Variants in CADM2 observed in about 807,000 individuals in gnomAD.
CADM2 encodes the protein cell adhesion molecule 2, also known as immunoglobulin superfamily member 4D.
In CADM2, 12 loss-of-function variants were observed where a neutral mutation model predicts 49.8. The observed-to-expected ratio is 0.24, with a 90% CI of 0.15 to 0.39. The LOEUF (loss-of-function observed/expected upper bound fraction) is 0.39, where lower values mean the gene tolerates loss of function less well. CADM2 is among the 10% of genes least tolerant of loss of function. The pLI, the probability that CADM2 is intolerant of heterozygous loss-of-function variation, is 1.00. For missense variants in CADM2, 378 were observed against 492.3 expected, an observed-to-expected ratio of 0.77 and a Z score of 2.20; for synonymous variants, 214 against 175.4, an observed-to-expected ratio of 1.22 and a Z score of -1.74.
intron 6 of CADM2, among the ~76,000 whole-genome samples, chr3:85,915,753 T>G (rs1042372763): frequency 3.9e-5 from 6 of 152,158 alleles, no homozygotes; most frequent in African/African-American, 1.2e-4. Flanking sequence ...TATTTCTCCA[T>G]TGTTTGACAA....
At chr3:85,743,404 T>C (rs1454908969) in intron 2 of CADM2, among the ~76,000 whole-genome samples, 1 of 152,190 alleles carries the variant, frequency 6.6e-6, no homozygotes, top group East Asian at 1.9e-4. Flanking sequence ...ATCTATACCA[T>C]CTCTGAAAAG....
At chr3:85,062,226 G>T (rs1282821205) in intron 1 of CADM2, among the ~76,000 whole-genome samples, 3 of 151,992 alleles carry the variant, frequency 2.0e-5, no homozygotes, top group Admixed American at 1.3e-4. Context: ...TAAATCTTGG[G>T]CAATCAACAC....
At chr3:85,680,117 A>G (rs980074422) in intron 1 of CADM2, among the ~76,000 whole-genome samples, 1 of 152,154 alleles carries the variant, frequency 6.6e-6, no homozygotes, top group African/African-American at 2.4e-5. Context: ...AGGCCATTTT[A>G]AAAGTATTCC....
At chr3:85,352,657 G>T (rs977917538) in intron 1 of CADM2, among the ~76,000 whole-genome samples, 1 of 152,028 alleles carries the variant, frequency 6.6e-6, no homozygotes, top group African/African-American at 2.4e-5. Flanking sequence ...TGGTATAAGG[G>T]TGAAATATCA....
chr3:85,496,296 T>C (rs139251516), intron 1 of CADM2, among the ~76,000 whole-genome samples: 292 of 152,306 alleles, frequency 1.9e-3, no homozygotes, highest in South Asian at 5.4e-3. Flanking sequence ...AGAACATGTG[T>C]TGATTTTCTG....
intron 1 of CADM2, among the ~76,000 whole-genome samples, chr3:84,997,315 A>T (rs1028554913): frequency 6.6e-6 from 1 of 152,124 alleles, no homozygotes; most frequent in Non-Finnish European, 1.5e-5. Flanking sequence ...TTTAGATGAC[A>T]GAGAACATAA....
At chr3:85,813,302 G>C (rs968172322) in intron 3 of CADM2, among the ~76,000 whole-genome samples, 5 of 152,196 alleles carry the variant, frequency 3.3e-5, no homozygotes, top group African/African-American at 1.2e-4. Flanking sequence ...AATGACCAGT[G>C]ATGATAAGCT....
chr3:85,530,619 G>T (rs961298566), intron 1 of CADM2, among the ~76,000 whole-genome samples: 1 of 151,930 alleles, frequency 6.6e-6, no homozygotes, highest in Non-Finnish European at 1.5e-5. Flanking sequence ...GTGAGCCACT[G>T]CGCCCGGCCC....
rs116387442 is a variant in CADM2, at chr3:85,766,653, C to T, written c.89-35394C>T. 2.6e-3 allele frequency among the ~76,000 whole-genome samples: 396 copies of T among 152,238 alleles called. 1 individual carries two copies. The highest frequency in any genetic ancestry group is 8.8e-3 in the African/African-American group (365 of 41,550). ...GGAAGGGAAAATAAATAATTCTTTACGTCAGTTTAGTTATGTTGGTCTTGT... is the reference window on the plus strand; with the variant it reads ...GGAAGGGAAAATAAATAATTCTTTATGTCAGTTTAGTTATGTTGGTCTTGT... On this transcript the variant is annotated intron_variant, in intron 2 of 9. Transcript: ENST00000383699.
At position 85,337,385 on chromosome 3, in the gene CADM2, G is replaced by A. The variant is rs1412918541; in HGVS notation, c.61+377717G>A. The stretch of plus-strand genomic sequence containing the variant: ...ATTAACTGTCTCAAGGAACAGCTTT[G>A]TGAGCCAAGTCATATGTATCATTGT... On this transcript the variant is annotated intron_variant, in intron 1 of 9. Coordinates refer to ENST00000383699, the MANE Select transcript of CADM2 (RefSeq NM_001167675.2). Among the ~76,000 whole-genome samples, 6 of 151,296 alleles carry A rather than the reference G, an allele frequency of 4.0e-5. No individual in the cohort carries two copies. The East Asian group carries it at 1.2e-3, about 29-fold the overall frequency.
At chr3:85,475,649 CTAAAT>C (rs1362070978) in intron 1 of CADM2, among the ~76,000 whole-genome samples, 2 of 151,772 alleles carry the variant, frequency 1.3e-5, no homozygotes, top group African/African-American at 4.8e-5. Context: ...TGATTAAAGA[CTAAAT>C]TAATCTATAA....
At chr3:85,903,770 C>G (rs1383688243) in intron 5 of CADM2, among the ~76,000 whole-genome samples, 1 of 152,132 alleles carries the variant, frequency 6.6e-6, no homozygotes, top group Non-Finnish European at 1.5e-5. Context: ...TCTCTGCTTA[C>G]GTTAGTATCA....
chr3:85,583,161 T>C (rs2062844386), intron 1 of CADM2, among the ~76,000 whole-genome samples: 1 of 152,130 alleles, frequency 6.6e-6, no homozygotes, highest in Admixed American at 6.6e-5. Flanking sequence ...TACATGTCTT[T>C]AGTACCACAG....
chr3:85,646,399 G>A (rs1246067290), intron 1 of CADM2, among the ~76,000 whole-genome samples: 1 of 151,840 alleles, frequency 6.6e-6, no homozygotes, highest in East Asian at 1.9e-4. Context: ...AGTCAATTAG[G>A]AGCACAAAAA....
At chr3:85,584,423 G>A (rs771731785) in intron 1 of CADM2, among the ~76,000 whole-genome samples, 35 of 151,842 alleles carry the variant, frequency 2.3e-4, no homozygotes, top group East Asian at 5.8e-4. Flanking sequence ...TATGCTACCC[G>A]TTTATCTACA....
intron 1 of CADM2, among the ~76,000 whole-genome samples, chr3:85,567,962 T>C (rs1343702665): frequency 6.6e-6 from 1 of 152,104 alleles, no homozygotes; most frequent in African/African-American, 2.4e-5. Context: ...TAGGGAGCTC[T>C]CCCCCTTTTT....
intron 1 of CADM2, among the ~76,000 whole-genome samples, chr3:85,506,258 T>C (rs554680162): frequency 2.7e-4 from 41 of 152,324 alleles, no homozygotes; most frequent in Non-Finnish European, 4.7e-4. Flanking sequence ...GTTTGTTTTG[T>C]TCTGCTTAAT....
chr3:85,912,338 G>A, intron 5 of CADM2, 35 bp from the exon 6 acceptor site: 2 of 1,495,156 alleles, frequency 1.3e-6, no homozygotes, highest in South Asian at 1.2e-5. Context: ...TATTTTGAAA[G>A]GTGTCACATT....
chr3:85,052,402 G>A (rs759993731), intron 1 of CADM2, among the ~76,000 whole-genome samples: 1 of 152,020 alleles, frequency 6.6e-6, no homozygotes, highest in Non-Finnish European at 1.5e-5. Context: ...CTGTACAATA[G>A]GGTTTTATAC....
Sources: gnomAD v4.1 joint callset for allele counts (sites outside exome capture counted in the v4.1 genomes callset) on GRCh38, gnomAD v4.1.1 for gene constraint, MANE v1.5 for transcripts, NCBI Gene and HGNC (gene_info 2026-07-23, HGNC 2026-07-21) for gene names.